NUDT3: variants seen among roughly 807,000 people sequenced by gnomAD.
NUDT3 encodes the protein diphosphoinositol polyphosphate phosphohydrolase 1.
NUDT3 carries 9 observed loss-of-function variants against 23.6 expected under a neutral mutation model. The observed-to-expected ratio is 0.38, with a 90% CI of 0.23 to 0.66. The LOEUF is 0.66. Ranked by LOEUF, NUDT3 falls within the 30% of genes least tolerant of loss-of-function variation. NUDT3 has a pLI of 0.52. For missense variants in NUDT3, 172 were observed against 218.5 expected, an observed-to-expected ratio of 0.79 and a Z score of 1.34; for synonymous variants, 86 against 82.6, an observed-to-expected ratio of 1.04 and a Z score of -0.22.
In NUDT3 at chr6:34,288,030, C is replaced by T. The variant is rs1763359160; in HGVS notation, c.*723G>A. On this transcript the variant is annotated 3_prime_UTR_variant, in exon 5 of 5. Coordinates refer to ENST00000607016, the MANE Select transcript of NUDT3 (RefSeq NM_006703.4). ...CTTAAAGAAGGAAAGGCCATGAGTCCTGGGAGCACTATGAAGGTAGCTAAA... is the reference window on the plus strand; with the variant it reads ...CTTAAAGAAGGAAAGGCCATGAGTCTTGGGAGCACTATGAAGGTAGCTAAA... 4 of 152,152 alleles carry T rather than the reference C, an allele frequency of 2.6e-5. No homozygotes were observed. In the South Asian group the frequency reaches 8.3e-4, roughly 31 times the overall value. The allele number at this position is 152,152 out of a possible 1,614,324, so 9.4% of individuals were successfully genotyped here. A position where few individuals can be genotyped will look rare whatever the true frequency, so the allele number is the denominator to read the frequency against.
chr6:34,389,478 A>C (rs1765160493), intron 1 of NUDT3, among the ~76,000 whole-genome samples: 1 of 152,128 alleles, frequency 6.6e-6, no homozygotes. Flanking sequence ...AAATGGACTA[A>C]TACACCCTGT....
At chr6:34,382,485 T>C (rs190274272) in intron 1 of NUDT3, among the ~76,000 whole-genome samples, 2 of 152,288 alleles carry the variant, frequency 1.3e-5, no homozygotes, top group East Asian at 3.9e-4. Context: ...TCTTAATGTA[T>C]ATTTTATTAG....
intron 1 of NUDT3, among the ~76,000 whole-genome samples, chr6:34,376,039 C>T (rs551962662): frequency 5.9e-5 from 9 of 152,302 alleles, no homozygotes; most frequent in Non-Finnish European, 1.3e-4. Flanking sequence ...ACACTCCACA[C>T]TGTATCTATA....
At chr6:34,357,926 C>T (rs1490205492) in intron 1 of NUDT3, among the ~76,000 whole-genome samples, 1 of 151,976 alleles carries the variant, frequency 6.6e-6, no homozygotes, top group Non-Finnish European at 1.5e-5. Context: ...AATTTATGAC[C>T]GTAGTTTTTA....
intron 1 of NUDT3, among the ~76,000 whole-genome samples, chr6:34,380,109 G>C (rs1764988421): frequency 6.6e-6 from 1 of 151,964 alleles, no homozygotes; most frequent in Admixed American, 6.6e-5. Flanking sequence ...TTGAGACAAA[G>C]TTTCGCTCTT....
intron 1 of NUDT3, among the ~76,000 whole-genome samples, chr6:34,367,338 CG>C (rs1341464126): frequency 6.6e-6 from 1 of 151,722 alleles, no homozygotes; most frequent in Non-Finnish European, 1.5e-5. Context: ...AAAAATTAGC[CG>C]GGTGTGGTGG....
intron 2 of NUDT3, among the ~76,000 whole-genome samples, chr6:34,298,598 G>A (rs1763550989): frequency 6.6e-6 from 1 of 152,044 alleles, no homozygotes; most frequent in South Asian, 2.1e-4. Flanking sequence ...CTTTCACCTT[G>A]TAGAATGTAG....
rs372870419 is a variant in NUDT3 at position 34,358,707 on chromosome 6, G to C, written c.100-16735C>G. Among the ~76,000 whole-genome samples the C allele has an allele frequency of 3.2e-3, 483 of 152,264 alleles. 7 individuals carry two copies. Among genetic ancestry groups the C allele is most frequent in the South Asian group, 0.015 (70 of 4,820 alleles). ...GAAATATGAAACCCACGCCTCACAG[G>C]GGGGCCAGAGCTAGGACTGGGCAGA... is the stretch of plus-strand genomic sequence containing the variant. On this transcript the variant is annotated intron_variant, in intron 1 of 4. Transcript: ENST00000607016.
At chr6:34,356,664 T>C (rs1156958663) in intron 1 of NUDT3, among the ~76,000 whole-genome samples, 1 of 152,130 alleles carries the variant, frequency 6.6e-6, no homozygotes, top group Non-Finnish European at 1.5e-5. Context: ...AGGATGCCAA[T>C]GAACCAACTC....
chr6:34,329,129 T>G (rs1029283760), intron 2 of NUDT3, among the ~76,000 whole-genome samples: 1 of 152,202 alleles, frequency 6.6e-6, no homozygotes, highest in African/African-American at 2.4e-5. Flanking sequence ...AAACATGAAA[T>G]TCTGCTTTCC....
At chr6:34,372,849 C>T (rs776203078) in intron 1 of NUDT3, among the ~76,000 whole-genome samples, 10 of 151,986 alleles carry the variant, frequency 6.6e-5, no homozygotes, top group Non-Finnish European at 1.3e-4. Flanking sequence ...GAAAAATAAA[C>T]CAATAATTTA....
chr6:34,296,683 A>G (rs970301771), intron 2 of NUDT3, among the ~76,000 whole-genome samples: 5 of 152,240 alleles, frequency 3.3e-5, no homozygotes, highest in African/African-American at 1.2e-4. Context: ...AGAAAACAGT[A>G]TATGTGCCAG....
rs2113777042 is a variant in NUDT3, at chr6:34,392,433, C to G, written c.-71G>C. ...GGGTGGGGAGCCCGCTCTGGACGGC[C>G]GCGTGCGCGCGCGCCCCCGGCTCGG... On this transcript the variant is annotated 5_prime_UTR_variant, in exon 1 of 5. Coordinates refer to ENST00000607016, the MANE Select transcript of NUDT3 (RefSeq NM_006703.4). The G allele has an allele frequency of 4.4e-6, 5 of 1,126,584 alleles. No homozygotes were observed. The South Asian group carries it at 5.4e-5, about 12-fold the overall frequency. 69.8% of individuals were successfully genotyped at this position (1,126,584 alleles called of 1,614,324 possible). A position where few individuals can be genotyped will look rare whatever the true frequency, so the allele number is the denominator to read the frequency against.
intron 2 of NUDT3, among the ~76,000 whole-genome samples, chr6:34,299,785 C>T (rs1763570702): frequency 2.6e-5 from 4 of 151,548 alleles, no homozygotes; most frequent in Admixed American, 2.6e-4. Flanking sequence ...TGCCCATAAT[C>T]CCAGCTATTC....
Position 34,284,872 on chromosome 6 carries a change from G to C in NUDT3, c.*3881C>G, listed in dbSNP as rs1763316495. On this transcript the variant is annotated 3_prime_UTR_variant, in exon 5 of 5. Transcript: ENST00000607016. ...AACAAAATATTTCTTTGCCACAAAG[G>C]AACTTGACTATGTAGCAACACATTT... 2.0e-5 allele frequency: 3 copies of C among 152,240 alleles called. No individual in the cohort carries two copies. In the South Asian group the frequency reaches 6.2e-4, roughly 32 times the overall value. The allele number at this position is 152,240 out of a possible 1,614,324, so 9.4% of individuals were successfully genotyped here. A position where few individuals can be genotyped will look rare whatever the true frequency, so the allele number is the denominator to read the frequency against.
At chr6:34,306,412 C>T (rs1189580854) in intron 2 of NUDT3, among the ~76,000 whole-genome samples, 1 of 152,200 alleles carries the variant, frequency 6.6e-6, no homozygotes, top group Non-Finnish European at 1.5e-5. Context: ...GGTAGTTTAA[C>T]GATTGTGGAA....
At chr6:34,300,138 C>T (rs576104508) in intron 2 of NUDT3, among the ~76,000 whole-genome samples, 13 of 152,130 alleles carry the variant, frequency 8.5e-5, no homozygotes, top group Admixed American at 4.6e-4. Flanking sequence ...GGGCTGGATC[C>T]GATCTTGCTC....
At chr6:34,304,153 TGAA>T (rs1018199060) in intron 2 of NUDT3, among the ~76,000 whole-genome samples, 11 of 148,946 alleles carry the variant, frequency 7.4e-5, no homozygotes, top group African/African-American at 2.7e-4. Context: ...CTCGGGAGGC[TGAA>T]GGAGGAGAAC....
At chr6:34,343,407 A>G (rs1430208360) in intron 1 of NUDT3, among the ~76,000 whole-genome samples, 2 of 149,462 alleles carry the variant, frequency 1.3e-5, no homozygotes, top group African/African-American at 4.9e-5. Flanking sequence ...AAAAAAAATT[A>G]GCCAGGCTTA....
Sources: gnomAD v4.1 joint callset for allele counts (sites outside exome capture counted in the v4.1 genomes callset) on GRCh38, gnomAD v4.1.1 for gene constraint, MANE v1.5 for transcripts, NCBI Gene and HGNC (gene_info 2026-07-23, HGNC 2026-07-21) for gene names.